DENND1B: variants seen among roughly 807,000 people sequenced by gnomAD.
DENND1B encodes DENN domain containing 1B.
Under a neutral mutation model 90.1 loss-of-function variants are expected in DENND1B, and 59 were observed. The observed-to-expected ratio is 0.65, with a 90% CI of 0.53 to 0.81. The LOEUF is 0.81. Ranked by LOEUF, DENND1B falls within the 40% of genes least tolerant of loss-of-function variation. The probability of loss-of-function intolerance (pLI) is 0.00; values close to 1 mark genes in which losing one functional copy is unlikely to be tolerated. For synonymous variants in DENND1B, 337 were observed against 324.6 expected (o/e 1.04, Z -0.41); for missense variants, 862 against 912.6 (o/e 0.94, Z 0.71).
intron 3 of DENND1B, among the ~76,000 whole-genome samples, chr1:197,704,110 T>A (rs1659296742): frequency 6.6e-6 from 1 of 152,010 alleles, no homozygotes; most frequent in South Asian, 2.1e-4. Context: ...CCAGAAGTGG[T>A]GGTACATGCC....
chr1:197,536,660 A>T (rs1454936343), intron 20 of DENND1B, among the ~76,000 whole-genome samples: 2 of 152,184 alleles, frequency 1.3e-5, no homozygotes, highest in African/African-American at 4.8e-5. Flanking sequence ...TCAAATTTCA[A>T]TTACAGAAAA....
intron 20 of DENND1B, among the ~76,000 whole-genome samples, chr1:197,518,648 A>G (rs981856814): frequency 3.3e-5 from 5 of 151,918 alleles, no homozygotes; most frequent in African/African-American, 4.8e-5. Context: ...GAAAATTTAC[A>G]TAAGTAAGGA....
chr1:197,598,090 A>G (rs1225230540), intron 13 of DENND1B, among the ~76,000 whole-genome samples: 2 of 151,906 alleles, frequency 1.3e-5, no homozygotes, highest in Non-Finnish European at 2.9e-5. Flanking sequence ...GTTATTCTAC[A>G]TGAGTATACT....
At chr1:197,737,841 T>G (rs955109858) in intron 2 of DENND1B, among the ~76,000 whole-genome samples, 2 of 152,130 alleles carry the variant, frequency 1.3e-5, no homozygotes, top group Non-Finnish European at 2.9e-5. Context: ...ACAATACACA[T>G]CTCCCTTTAG....
chr1:197,763,250 G>A (rs986876530), intron 2 of DENND1B, among the ~76,000 whole-genome samples: 1 of 152,196 alleles, frequency 6.6e-6, no homozygotes, highest in Non-Finnish European at 1.5e-5. Flanking sequence ...CAAGGCTGCA[G>A]TGAGCTATAA....
upstream of DENND1B, among the ~76,000 whole-genome samples, chr1:197,775,858 A>G (rs551914289): frequency 6.6e-6 from 1 of 152,180 alleles, no homozygotes; most frequent in East Asian, 1.9e-4. Flanking sequence ...ATTTCATACT[A>G]CAAATTCAGA....
chr1:197,521,189 T>C (rs1478445433), intron 20 of DENND1B, among the ~76,000 whole-genome samples: 1 of 151,900 alleles, frequency 6.6e-6, no homozygotes, highest in African/African-American at 2.4e-5. Context: ...TCTCAAGAAA[T>C]AAGTTTAGTT....
chr1:197,561,482 C>T (rs1672158897), intron 15 of DENND1B, among the ~76,000 whole-genome samples: 1 of 151,856 alleles, frequency 6.6e-6, no homozygotes, highest in Non-Finnish European at 1.5e-5. Context: ...ACTTTCTTAT[C>T]ATTTCTATTT....
intron 18 of DENND1B, among the ~76,000 whole-genome samples, chr1:197,543,659 A>C (rs10754224): frequency 0.8 from 121,743 of 152,138 alleles, 48,837 homozygotes; most frequent in East Asian, 0.87. Context: ...AACAACCAAA[A>C]AAAACGCAGA....
intron 20 of DENND1B, among the ~76,000 whole-genome samples, chr1:197,536,489 C>G (rs1016081447): frequency 6.6e-6 from 1 of 152,042 alleles, no homozygotes; most frequent in Non-Finnish European, 1.5e-5. Flanking sequence ...GCAGTAACAA[C>G]CCAACATCAA....
At chr1:197,579,227 C>T (rs1356960032) in intron 15 of DENND1B, among the ~76,000 whole-genome samples, 2 of 152,148 alleles carry the variant, frequency 1.3e-5, no homozygotes, top group Non-Finnish European at 2.9e-5. Flanking sequence ...TTAATGAAAC[C>T]AACACGAGGG....
At chr1:197,580,413 G>A (rs1468045386) in intron 15 of DENND1B, among the ~76,000 whole-genome samples, 1 of 151,720 alleles carries the variant, frequency 6.6e-6, no homozygotes, top group Admixed American at 6.6e-5. Flanking sequence ...TCTCCTGTGA[G>A]TCACTGCGCC....
chr1:197,588,577 G>C (rs1674914590), intron 14 of DENND1B, among the ~76,000 whole-genome samples: 2 of 152,006 alleles, frequency 1.3e-5, no homozygotes, highest in Non-Finnish European at 2.9e-5. Flanking sequence ...ATTACAAAAG[G>C]AGTATAAACA....
At chr1:197,756,973 T>A (rs1257333194) in intron 2 of DENND1B, among the ~76,000 whole-genome samples, 1 of 150,512 alleles carries the variant, frequency 6.6e-6, no homozygotes, top group Non-Finnish European at 1.5e-5. Flanking sequence ...TATGCCATTA[T>A]ATGTTAAATA....
In DENND1B at chr1:197,648,406, T is replaced by C. The variant is rs1006401166; in HGVS notation, c.448-1292A>G. Among the ~76,000 whole-genome samples the C allele has an allele frequency of 4.6e-5, 7 of 152,312 alleles. No individual in the cohort carries two copies. In the East Asian group the frequency reaches 1.3e-3, roughly 29 times the overall value. ...GTAGAAATCTTTAATTTATGGTTCT[T>C]ATTAATAAAGATGAAGTGTTTCAAT... On this transcript the variant is annotated intron_variant, in intron 7 of 22. Transcript: ENST00000620048.
At chr1:197,593,052 A>T (rs1296633686) in intron 14 of DENND1B, among the ~76,000 whole-genome samples, 14 of 151,958 alleles carry the variant, frequency 9.2e-5, no homozygotes, top group East Asian at 3.9e-4. Context: ...GGTTGATATT[A>T]AAAAAAGGTC....
chr1:197,770,176 C>G (rs1473200074), intron 2 of DENND1B, among the ~76,000 whole-genome samples: 1 of 152,028 alleles, frequency 6.6e-6, no homozygotes, highest in African/African-American at 2.4e-5. Flanking sequence ...GAATTTTCTG[C>G]CATTTAGCCA....
intron 20 of DENND1B, among the ~76,000 whole-genome samples, chr1:197,515,130 T>C (rs1258568657): frequency 6.6e-6 from 1 of 151,664 alleles, no homozygotes; most frequent in East Asian, 1.9e-4. Flanking sequence ...ATGGAACCTA[T>C]AGGACTGATC....
rs775992452 is a variant in DENND1B, at chr1:197,539,963, C to T, written c.1515+1G>A. On this transcript the variant is annotated splice_donor_variant, in intron 20 of 22. Transcript: ENST00000620048. LOFTEE classifies it high-confidence loss of function. ...AATGAAGGGTAAATAACCTTACTTA[C>T]CTGAGCAAGCTTACGCTTTTCTGAG... 12 of 1,607,560 alleles carry T rather than the reference C, an allele frequency of 7.5e-6. No homozygotes were observed. The South Asian group carries it at 1.1e-4, about 15-fold the overall frequency.
Sources: gnomAD v4.1 joint callset for allele counts (sites outside exome capture counted in the v4.1 genomes callset) on GRCh38, gnomAD v4.1.1 for gene constraint, MANE v1.5 for transcripts, NCBI Gene and HGNC (gene_info 2026-07-23, HGNC 2026-07-21) for gene names.